Variants in ASTN2 observed in about 807,000 individuals in gnomAD.
ASTN2 encodes the protein astrotactin-2.
In ASTN2, 54 loss-of-function variants were observed where a neutral mutation model predicts 139.8. That is an observed-to-expected ratio of 0.39 (90% CI 0.31 to 0.48). The LOEUF (loss-of-function observed/expected upper bound fraction) is 0.48. Ranked by LOEUF, ASTN2 falls within the 20% of genes least tolerant of loss-of-function variation. ASTN2 has a pLI of 0.95. For missense variants in ASTN2, 1,565 were observed against 1,725.1 expected (o/e 0.91, Z 1.64); for synonymous variants, 756 against 719.5 (o/e 1.05, Z -0.81).
At chr9:116,867,201 A>T (rs554946078) in intron 10 of ASTN2, among the ~76,000 whole-genome samples, 1 of 152,296 alleles carries the variant, frequency 6.6e-6, no homozygotes, top group East Asian at 1.9e-4. Flanking sequence ...ACAGAGGCAT[A>T]AGAAACAGAT....
At chr9:117,134,611 T>C (rs1829908403) in intron 4 of ASTN2, among the ~76,000 whole-genome samples, 1 of 152,084 alleles carries the variant, frequency 6.6e-6, no homozygotes, top group Non-Finnish European at 1.5e-5. Flanking sequence ...TGTATTTGCA[T>C]ATTTTCTTTA....
intron 2 of ASTN2, among the ~76,000 whole-genome samples, chr9:117,241,801 T>C (rs1485177715): frequency 6.6e-6 from 1 of 151,886 alleles, no homozygotes; most frequent in Non-Finnish European, 1.5e-5. Flanking sequence ...GCAGACAAGA[T>C]TAGGGAGTGG....
chr9:117,196,108 T>C (rs1487268256), intron 3 of ASTN2, among the ~76,000 whole-genome samples: 3 of 152,184 alleles, frequency 2.0e-5, no homozygotes, highest in Non-Finnish European at 2.9e-5. Flanking sequence ...TGCATCTTAC[T>C]ACAATAGCTC....
intron 19 of ASTN2, among the ~76,000 whole-genome samples, chr9:116,506,816 G>A (rs1850131678): frequency 6.6e-6 from 1 of 152,200 alleles, no homozygotes; most frequent in African/African-American, 2.4e-5. Context: ...AGGGGAGGGA[G>A]CGACTTACTG....
At chr9:117,190,737 G>C (rs1055142640) in intron 3 of ASTN2, among the ~76,000 whole-genome samples, 5 of 152,024 alleles carry the variant, frequency 3.3e-5, no homozygotes, top group African/African-American at 1.2e-4. Flanking sequence ...ATCTCCTGTA[G>C]ATCAGTTTTC....
intron 2 of ASTN2, among the ~76,000 whole-genome samples, chr9:117,218,689 G>T (rs560146029): frequency 6.6e-6 from 1 of 152,150 alleles, no homozygotes; most frequent in South Asian, 2.1e-4. Flanking sequence ...ACCTTGGCTT[G>T]CTCCTATGGA....
chr9:117,104,991 C>T (rs1284689479), intron 4 of ASTN2, among the ~76,000 whole-genome samples: 1 of 152,112 alleles, frequency 6.6e-6, no homozygotes, highest in Admixed American at 6.6e-5. Context: ...TCTAGCTTAA[C>T]TCACTCTTCC....
intron 1 of ASTN2, among the ~76,000 whole-genome samples, chr9:117,353,492 G>T (rs1829448107): frequency 6.6e-6 from 1 of 151,986 alleles, no homozygotes; most frequent in African/African-American, 2.4e-5. Context: ...GCCACATGTT[G>T]GGTAGCACAG....
At chr9:117,251,518 A>T (rs1251833495) in intron 2 of ASTN2, among the ~76,000 whole-genome samples, 1 of 152,194 alleles carries the variant, frequency 6.6e-6, no homozygotes, top group East Asian at 1.9e-4. Context: ...CCTGGTGATT[A>T]TAACAGCACT....
At chr9:116,947,348 G>T (rs183957455) in intron 10 of ASTN2, among the ~76,000 whole-genome samples, 1 of 152,308 alleles carries the variant, frequency 6.6e-6, no homozygotes, top group Admixed American at 6.5e-5. Context: ...GGCTGATGAG[G>T]TTGTTATTTC....
At chr9:117,012,244 G>C (rs1290435477) in intron 6 of ASTN2, among the ~76,000 whole-genome samples, 1 of 152,114 alleles carries the variant, frequency 6.6e-6, no homozygotes, top group African/African-American at 2.4e-5. Context: ...TAGCCCTTCA[G>C]AACCTCCCCA....
At chr9:117,133,819 T>C (rs1829879386) in intron 4 of ASTN2, among the ~76,000 whole-genome samples, 7 of 152,038 alleles carry the variant, frequency 4.6e-5, no homozygotes, top group Admixed American at 4.6e-4. Flanking sequence ...AAGAGTAGAA[T>C]TTGCATATTG....
At chr9:117,270,007 A>T (rs1834026802) in intron 2 of ASTN2, among the ~76,000 whole-genome samples, 1 of 152,180 alleles carries the variant, frequency 6.6e-6, no homozygotes, top group African/African-American at 2.4e-5. Flanking sequence ...TCAAAAAGTG[A>T]ATTAATTTGC....
intron 5 of ASTN2, among the ~76,000 whole-genome samples, chr9:117,066,421 T>A (rs1298945103): frequency 6.7e-6 from 1 of 148,300 alleles, no homozygotes; most frequent in Non-Finnish European, 1.5e-5. Context: ...TCTATCATTG[T>A]TGGACATTTG....
intron 16 of ASTN2, among the ~76,000 whole-genome samples, chr9:116,655,876 G>T (rs538691947): frequency 2.0e-4 from 31 of 151,302 alleles, no homozygotes; most frequent in South Asian, 4.2e-4. Context: ...TGTGTTTTTT[G>T]TTGTTGTTGT....
intron 19 of ASTN2, among the ~76,000 whole-genome samples, chr9:116,520,876 A>G (rs929579473): frequency 2.2e-4 from 33 of 152,168 alleles, no homozygotes; most frequent in Non-Finnish European, 3.2e-4. Context: ...CTGGGAATCA[A>G]ATCAAGAACT....
chr9:116,648,005 CT>C (rs71377260), intron 17 of ASTN2, among the ~76,000 whole-genome samples: 193 of 140,942 alleles, frequency 1.4e-3, no homozygotes, highest in Middle Eastern at 3.6e-3. Flanking sequence ...TTTTTCTTTT[CT>C]TTTTTTTTTT....
rs1210051303 is a variant in ASTN2, at chr9:116,698,350, G to A, written c.2806+27421C>T. ...GTCCAGGATGAGCTGGCTCGCTCTC[G>A]GAAGTTCTTCACAGGCTCTTTGGCT... On this transcript the variant is annotated intron_variant, in intron 16 of 22. Coordinates refer to ENST00000313400, the MANE Select transcript of ASTN2 (RefSeq NM_001365068.1). This position sits in a 1 kb window ranked among gnomAD's most constrained non-coding sequence, Gnocchi z 4.4. The A allele has an allele frequency of 8.7e-6, 14 of 1,614,112 alleles. No homozygotes were observed. Among genetic ancestry groups the A allele is most frequent in the East Asian group, 2.2e-5 (1 of 44,876 alleles).
chr9:116,446,775 C>T (rs979101653), intron 20 of ASTN2, among the ~76,000 whole-genome samples: 1 of 152,214 alleles, frequency 6.6e-6, no homozygotes, highest in Non-Finnish European at 1.5e-5. Flanking sequence ...TGAGTCCCAG[C>T]TTGTCCACAG....
Sources: gnomAD v4.1 joint callset for allele counts (sites outside exome capture counted in the v4.1 genomes callset) on GRCh38, gnomAD v4.1.1 for gene constraint, Gnocchi (gnomAD v3.1) non-coding constraint, MANE v1.5 for transcripts, NCBI Gene and HGNC (gene_info 2026-07-23, HGNC 2026-07-21) for gene names.